The following CSMD2 variants were observed in gnomAD, a reference collection of about 807,000 sequenced individuals.
The protein encoded by CSMD2 is CUB and sushi domain-containing protein 2.
CSMD2 carries 130 observed loss-of-function variants against 398.5 expected under a neutral mutation model. The ratio of observed to expected loss-of-function variants is 0.33; its 90% CI spans 0.28 to 0.38. The LOEUF is 0.38. CSMD2 is among the 10% of genes least tolerant of loss of function. CSMD2 has a pLI of 1.00. For missense variants in CSMD2, 3,829 were observed against 4,764.9 expected (o/e 0.80, Z 5.78); for synonymous variants, 1,828 against 1,908.5 (o/e 0.96, Z 1.10).
chr1:33,825,641 G>T, intron 7 of CSMD2, 56 bp downstream of exon 7: 1 of 1,468,812 alleles, frequency 6.8e-7, no homozygotes, highest in Non-Finnish European at 9.5e-7. Context: ...TTTAGTGCCT[G>T]CACGTGTGAC....
At chr1:33,800,467 A>G (rs1005484495) in intron 10 of CSMD2, among the ~76,000 whole-genome samples, 2 of 152,146 alleles carry the variant, frequency 1.3e-5, no homozygotes, top group African/African-American at 4.8e-5. Flanking sequence ...TCACTTATGG[A>G]TTGACTGATT....
At position 33,597,249 on chromosome 1, in the gene CSMD2, A is replaced by G. The variant is rs112866026; in HGVS notation, c.6856+3616T>C. ...TTTCCCCCACTCCCTTCCACTGTCC[A>G]CTTTTTGCAAGTCTAGCTCCTTTTT... On this transcript the variant is annotated intron_variant, in intron 44 of 70. Coordinates refer to ENST00000373381, the MANE Select transcript of CSMD2 (RefSeq NM_001281956.2). 4.4e-3 allele frequency among the ~76,000 whole-genome samples: 661 copies of G among 151,882 alleles called. 7 individuals carry two copies. Among genetic ancestry groups the G allele is most frequent in the African/African-American group, 0.015 (628 of 41,412 alleles).
At chr1:33,719,305 C>T (rs541525156) in intron 19 of CSMD2, among the ~76,000 whole-genome samples, 1 of 152,330 alleles carries the variant, frequency 6.6e-6, no homozygotes, top group African/African-American at 2.4e-5. Context: ...GACCCAGTCA[C>T]AGGTGGAAAC....
At chr1:33,606,324 T>A (rs1026081219) in intron 41 of CSMD2, among the ~76,000 whole-genome samples, 1 of 152,220 alleles carries the variant, frequency 6.6e-6, no homozygotes, top group African/African-American at 2.4e-5. Context: ...TGGGACTGGA[T>A]AGATGCTTCT....
chr1:33,751,687 T>C (rs1188099399), intron 13 of CSMD2, among the ~76,000 whole-genome samples: 1 of 152,188 alleles, frequency 6.6e-6, no homozygotes. Context: ...AGTGGCGCAA[T>C]CTTGGCTCAC....
At chr1:33,951,381 T>A (rs1645003419) in intron 3 of CSMD2, among the ~76,000 whole-genome samples, 1 of 152,222 alleles carries the variant, frequency 6.6e-6, no homozygotes, top group Non-Finnish European at 1.5e-5. Flanking sequence ...CCTGCCCTCA[T>A]TATGCTTACA....
chr1:33,880,726 C>T (rs115061119), intron 5 of CSMD2, among the ~76,000 whole-genome samples: 559 of 152,282 alleles, frequency 3.7e-3, no homozygotes, highest in Non-Finnish European at 6.8e-3. Context: ...AAAGGGGAAG[C>T]AAAGCTCATA....
intron 13 of CSMD2, among the ~76,000 whole-genome samples, chr1:33,771,104 C>T (rs1425820930): frequency 3.3e-5 from 5 of 152,168 alleles, no homozygotes; most frequent in Admixed American, 6.5e-5. Context: ...AGCTCTTTGT[C>T]GCAGAAGCTA....
At chr1:33,600,524 C>G (rs188200066) in intron 44 of CSMD2, 2 of 496,776 alleles carry the variant, frequency 4.0e-6, no homozygotes, top group African/African-American at 1.9e-5. Context: ...AAGGAGAACC[C>G]GCTAGAAAGT....
chr1:33,853,282 C>G (rs1638845271), intron 5 of CSMD2, among the ~76,000 whole-genome samples: 2 of 152,202 alleles, frequency 1.3e-5, no homozygotes, highest in South Asian at 4.1e-4. Flanking sequence ...TGAGCACCTA[C>G]TATGTGCCAG....
intron 3 of CSMD2, among the ~76,000 whole-genome samples, chr1:33,979,537 T>G (rs965320460): frequency 6.6e-6 from 1 of 152,114 alleles, no homozygotes; most frequent in African/African-American, 2.4e-5. Flanking sequence ...AGAGCGACTG[T>G]GAATGCCAAT....
Position 33,938,624 on chromosome 1 carries a change from C to T in CSMD2, c.518-2670G>A, listed in dbSNP as rs192172420. The stretch of plus-strand genomic sequence containing the variant: ...ATGTTGCTGGCTTACTTGGCATTTC[C>T]CATGATCCCCTGCTGTTGGCTTACT... On this transcript the variant is annotated intron_variant, in intron 3 of 70. Coordinates refer to ENST00000373381, the MANE Select transcript of CSMD2 (RefSeq NM_001281956.2). Among the ~76,000 whole-genome samples, 18 of 151,786 alleles carry T rather than the reference C, an allele frequency of 1.2e-4. 1 individual carries two copies. The East Asian group carries it at 3.3e-3, about 28-fold the overall frequency.
At chr1:33,623,487 A>C (rs1553157895) in intron 35 of CSMD2, 21 bp from the exon 36 acceptor site, 1 of 1,591,940 alleles carries the variant, frequency 6.3e-7, no homozygotes, top group South Asian at 1.1e-5. Context: ...AGAAGAGTGA[A>C]TTGTTGGTTA....
chr1:33,741,731 A>G (rs1215715869), intron 14 of CSMD2, among the ~76,000 whole-genome samples: 1 of 152,162 alleles, frequency 6.6e-6, no homozygotes, highest in African/African-American at 2.4e-5. Flanking sequence ...AGTAAGAGCT[A>G]TCCTCAGGTT....
Position 34,134,299 on chromosome 1 carries a change from A to G in CSMD2, c.187+30612T>C, listed in dbSNP as rs187454545. On this transcript the variant is annotated intron_variant, in intron 1 of 70. Coordinates refer to ENST00000373381, the MANE Select transcript of CSMD2 (RefSeq NM_001281956.2). ...AGTCTGGAGAGGGGAAAGCCATGAA[A>G]TGGGAGTTTCTTTTCTCTCTGACAG... 1.1e-3 allele frequency among the ~76,000 whole-genome samples: 168 copies of G among 152,234 alleles called. 2 individuals carry two copies. The highest frequency in any genetic ancestry group is 2.4e-4 in the Non-Finnish European group (16 of 68,012).
rs1055606818 is a variant in CSMD2, at chr1:33,997,671, T to C, written c.517+34923A>G. On this transcript the variant is annotated intron_variant, in intron 3 of 70. Transcript: ENST00000373381. ...ACGTGCTGAGAGCTCATTTGAGTAA[T>C]AAAAATCTTTTTTTTGTGTGCAGCT... Among the ~76,000 whole-genome samples, 13 of 152,232 alleles carry C rather than the reference T, an allele frequency of 8.5e-5. 1 individual carries two copies. Among genetic ancestry groups the C allele is most frequent in the Non-Finnish European group, 1.6e-4 (11 of 68,014 alleles).
At chr1:33,648,115 C>A (rs973133208) in intron 28 of CSMD2, among the ~76,000 whole-genome samples, 21 of 152,138 alleles carry the variant, frequency 1.4e-4, no homozygotes, top group Non-Finnish European at 2.4e-4. Context: ...GTAATCCCAG[C>A]ACTTTGGGAG....
chr1:34,085,098 G>T (rs1299632476), intron 2 of CSMD2, among the ~76,000 whole-genome samples: 1 of 152,126 alleles, frequency 6.6e-6, no homozygotes, highest in Non-Finnish European at 1.5e-5. Flanking sequence ...GATGAAGCTG[G>T]AAACCATCAT....
At chr1:34,025,696 G>C (rs1164495728) in intron 3 of CSMD2, among the ~76,000 whole-genome samples, 1 of 152,146 alleles carries the variant, frequency 6.6e-6, no homozygotes, top group Non-Finnish European at 1.5e-5. Context: ...CTGATACAAA[G>C]AGAAGAGGCC....
Sources: gnomAD v4.1 joint callset for allele counts (sites outside exome capture counted in the v4.1 genomes callset) on GRCh38, gnomAD v4.1.1 for gene constraint, MANE v1.5 for transcripts, NCBI Gene and HGNC (gene_info 2026-07-23, HGNC 2026-07-21) for gene names.